The following PACSIN1 variants were observed in gnomAD, a reference collection of about 807,000 sequenced individuals.
PACSIN1 encodes the protein protein kinase C and casein kinase substrate in neurons protein 1.
In PACSIN1, 15 loss-of-function variants were observed where a neutral mutation model predicts 59.5. The ratio of observed to expected loss-of-function variants is 0.25; its 90% CI spans 0.17 to 0.39. The LOEUF is 0.39. Ranked by LOEUF, PACSIN1 falls within the 10% of genes least tolerant of loss-of-function variation. The probability of loss-of-function intolerance (pLI) is 1.00; values close to 1 mark genes in which losing one functional copy is unlikely to be tolerated. For synonymous variants in PACSIN1, 210 were observed against 220.6 expected (o/e 0.95, Z 0.42); for missense variants, 420 against 580.2 (o/e 0.72, Z 2.84).
chr6:34,530,317 G>T lies in PACSIN1; in HGVS notation c.863G>T (p.Arg288Leu). The T allele has an allele frequency of 6.2e-7, 1 of 1,614,128 alleles. No homozygotes were observed. The change falls in exon 7 of 10, where the codon CGC becomes CTC. Residue 288 changes from arginine (R) to leucine (L), a missense_variant. Arg to Leu is a moderately radical substitution (Grantham distance 102, BLOSUM62 -2). Transcript: ENST00000244458. This position sits in a 1 kb window ranked among gnomAD's most constrained non-coding sequence, Gnocchi z 4.4. ...GCCCAGGAAGACCTCAGATGGTTCC[G>T]CAGCACCAGTGGCCCCGGCATGCCC... ...ADAQEDLRWF[R>L]STSGPGMPMN... is the part of the protein sequence containing the mutation.
At position 34,516,080 on chromosome 6, in the gene PACSIN1, T is replaced by C. The variant is rs1293801020; in HGVS notation, c.-63-10163T>C. Reference sequence around the variant, plus strand: ...TAGCCTGCAAGGGGCAGAAGGTTGATGTGTGCAACTATGGGCGTGCTTAAG... The same window carrying C: ...TAGCCTGCAAGGGGCAGAAGGTTGACGTGTGCAACTATGGGCGTGCTTAAG... On this transcript the variant is annotated intron_variant, in intron 1 of 9. Transcript: ENST00000244458. This position sits in a 1 kb window ranked among gnomAD's most constrained non-coding sequence, Gnocchi z 5.4. Among the ~76,000 whole-genome samples, 1 of 152,112 alleles carries C rather than the reference T, an allele frequency of 6.6e-6. No individual in the cohort carries two copies. Among genetic ancestry groups the C allele is most frequent in the African/African-American group, 2.4e-5 (1 of 41,416 alleles).
chr6:34,527,589 A>G lies in PACSIN1; in HGVS notation c.220+101A>G. On this transcript the variant is annotated intron_variant, in intron 3 of 9. Transcript: ENST00000244458. ...GCTACTTGCATGCACCATGCCCTCCATCTACCAGACACAGGACATTTTCAG... is the reference window on the plus strand; with the variant it reads ...GCTACTTGCATGCACCATGCCCTCCGTCTACCAGACACAGGACATTTTCAG... The G allele has an allele frequency of 3.7e-6, 4 of 1,082,632 alleles. No individual in the cohort carries two copies. The South Asian group carries it at 7.4e-5, about 20-fold the overall frequency. 67.1% of individuals were successfully genotyped at this position (1,082,632 alleles called of 1,614,324 possible). A position where few individuals can be genotyped will look rare whatever the true frequency, so the allele number is the denominator to read the frequency against.
chr6:34,528,584 A>AGG, intron 3 of PACSIN1, 58 bp from the exon 4 acceptor site: 1 of 1,235,612 alleles, frequency 8.1e-7, no homozygotes, highest in Non-Finnish European at 1.2e-6. Flanking sequence ...GGGAGATGTG[A>AGG]GGGGGGGCCT....
chr6:34,529,490 A>C lies in PACSIN1; in HGVS notation c.550A>C (p.Thr184Pro). Reference protein sequence around the residue: ...EMNSKTEQSVTPEQQKKLQDK... With the variant: ...EMNSKTEQSVPPEQQKKLQDK... The stretch of plus-strand genomic sequence containing the variant: ...GAACAGCAAGACGGAGCAATCGGTC[A>C]CACCTGAGCAGCAAAAGAAGCTGCA... The change falls in exon 5 of 10, where the codon ACA becomes CCA. Residue 184 changes from threonine to proline, a missense_variant. Coordinates refer to ENST00000244458, the MANE Select transcript of PACSIN1 (RefSeq NM_020804.5). This position sits in a 1 kb window ranked among gnomAD's most constrained non-coding sequence, Gnocchi z 6.3. 1 of 1,614,204 alleles carries C rather than the reference A, an allele frequency of 6.2e-7. No homozygotes were observed. The highest frequency in any genetic ancestry group is 8.5e-7 in the Non-Finnish European group (1 of 1,180,044).
Position 34,529,293 on chromosome 6 carries a change from G to T in PACSIN1, c.457-104G>T. The T allele has an allele frequency of 8.0e-7, 1 of 1,253,910 alleles. No individual in the cohort carries two copies. The highest frequency in any genetic ancestry group is 2.1e-5 in the Admixed American group (1 of 47,968). 77.7% of individuals were successfully genotyped at this position (1,253,910 alleles called of 1,614,324 possible). ...ATCCCTTCTGGCTCTTAAGAGTGTG[G>T]GCTCACAGGTCCCAGGGAGTGGGCA... On this transcript the variant is annotated intron_variant, in intron 4 of 9. Coordinates refer to ENST00000244458, the MANE Select transcript of PACSIN1 (RefSeq NM_020804.5). The surrounding 1 kb of genome is among the most constrained non-coding windows in gnomAD (Gnocchi z 6.3).
At chr6:34,528,906 GTGGGGT>G in intron 4 of PACSIN1, 29 bp downstream of exon 4, 1 of 1,340,284 alleles carries the variant, frequency 7.5e-7, no homozygotes, top group Non-Finnish European at 1.1e-6. Flanking sequence ...CACGGGCGGG[GTGGGGT>G]GGGCCCGTCT....
rs188954008 is a variant in PACSIN1, at chr6:34,506,544, A to G, written c.-63-19699A>G. Among the ~76,000 whole-genome samples the G allele has an allele frequency of 1.5e-4, 23 of 152,340 alleles. No individual in the cohort carries two copies. The East Asian group carries it at 4.2e-3, about 28-fold the overall frequency. On this transcript the variant is annotated intron_variant, in intron 1 of 9. Transcript: ENST00000244458. ...ATTATTTTTGTATTATACCCTGGACACTTGGGGTATTATGTTATGAGATGC... is the reference window on the plus strand; with the variant it reads ...ATTATTTTTGTATTATACCCTGGACGCTTGGGGTATTATGTTATGAGATGC...
intron 1 of PACSIN1, among the ~76,000 whole-genome samples, chr6:34,501,968 G>T (rs1322983785): frequency 2.0e-5 from 3 of 148,084 alleles, no homozygotes; most frequent in African/African-American, 5.0e-5. Context: ...GGAGGCAGAG[G>T]TTGCAGTGAG....
At chr6:34,480,089 G>A (rs966980778) in intron 1 of PACSIN1, among the ~76,000 whole-genome samples, 12 of 152,082 alleles carry the variant, frequency 7.9e-5, no homozygotes, top group Middle Eastern at 3.2e-3. Context: ...GCCTCCCAAA[G>A]TGCTGGGATT....
At chr6:34,492,274 T>G (rs1437706662) in intron 1 of PACSIN1, among the ~76,000 whole-genome samples, 1 of 145,836 alleles carries the variant, frequency 6.9e-6, no homozygotes, top group Admixed American at 7.1e-5. Flanking sequence ...CAATTTCTGC[T>G]CATTGCAACC....
intron 1 of PACSIN1, among the ~76,000 whole-genome samples, chr6:34,487,513 G>A (rs1312128984): frequency 1.3e-5 from 2 of 152,130 alleles, no homozygotes; most frequent in Non-Finnish European, 2.9e-5. Flanking sequence ...CTGAGCTGAA[G>A]GTTTGGATGC....
At chr6:34,487,466 T>TG (rs1766811607) in intron 1 of PACSIN1, among the ~76,000 whole-genome samples, 1 of 152,134 alleles carries the variant, frequency 6.6e-6, no homozygotes, top group Non-Finnish European at 1.5e-5. Context: ...TCTCTACCAC[T>TG]GTGTAGTTGG....
intron 1 of PACSIN1, among the ~76,000 whole-genome samples, chr6:34,524,950 G>C (rs762260921): frequency 3.3e-5 from 5 of 151,582 alleles, no homozygotes; most frequent in African/African-American, 9.7e-5. Flanking sequence ...TGACATTAAG[G>C]GTTCTAGAAG....
rs1051200739 is a variant in PACSIN1 at position 34,533,989 on chromosome 6, T to TG, written c.*1463dup. ...GGAAGAAAAGTCTCTTGGGGACCTC[T>TG]GGGGCAAGGAGCTGAGAAGTCCTGC... On this transcript the variant is annotated 3_prime_UTR_variant, in exon 10 of 10. Transcript: ENST00000244458. 3 of 152,402 alleles carry TG rather than the reference T, an allele frequency of 2.0e-5. No individual in the cohort carries two copies. The highest frequency in any genetic ancestry group is 4.4e-5 in the Non-Finnish European group (3 of 68,200). 9.4% of individuals were successfully genotyped at this position (152,402 alleles called of 1,614,324 possible). A position where few individuals can be genotyped will look rare whatever the true frequency, so the allele number is the denominator to read the frequency against.
chr6:34,529,332 T>C lies in PACSIN1; in HGVS notation c.457-65T>C. On this transcript the variant is annotated intron_variant, in intron 4 of 9. Transcript: ENST00000244458. This position sits in a 1 kb window ranked among gnomAD's most constrained non-coding sequence, Gnocchi z 6.3. ...AGGGAGTGGGCAGGGGAGGAGTTAA[T>C]GGGTGACCATGTTTGCTGCTGGTCA... 1 of 1,584,550 alleles carries C rather than the reference T, an allele frequency of 6.3e-7. No homozygotes were observed. The highest frequency in any genetic ancestry group is 8.6e-7 in the Non-Finnish European group (1 of 1,157,126).
At chr6:34,528,614 T>A (rs1026874458) in intron 3 of PACSIN1, 28 bp from the exon 4 acceptor site, 2 of 1,556,918 alleles carry the variant, frequency 1.3e-6, no homozygotes. Context: ...GGCAATGAGG[T>A]TCTTGTGACC....
Position 34,534,144 on chromosome 6 carries a change from TC to T in PACSIN1, c.*1618del, listed in dbSNP as rs1767652640. 6.5e-6 allele frequency: 1 copy of T among 152,970 alleles called. No homozygotes were observed. Among genetic ancestry groups the T allele is most frequent in the Non-Finnish European group, 1.5e-5 (1 of 68,654 alleles). The allele number at this position is 152,970 out of a possible 1,614,324, so 9.5% of individuals were successfully genotyped here. A position where few individuals can be genotyped will look rare whatever the true frequency, so the allele number is the denominator to read the frequency against. ...GAGAGAGAGCCAGCCCAGCCCTGTT[TC>T]CCCTCAGTCCTCCTTTGCTCCTGCT... On this transcript the variant is annotated 3_prime_UTR_variant, in exon 10 of 10. Transcript: ENST00000244458.
chr6:34,507,417 C>A (rs190474579), intron 1 of PACSIN1, among the ~76,000 whole-genome samples: 74 of 152,246 alleles, frequency 4.9e-4, no homozygotes, highest in African/African-American at 1.5e-3. Context: ...AGTGTGTATA[C>A]TCCATCTTGT....
intron 1 of PACSIN1, 88 bp from the exon 2 acceptor site, chr6:34,526,155 C>T (rs967234811): frequency 2.6e-5 from 16 of 618,028 alleles, no homozygotes; most frequent in Non-Finnish European, 4.5e-5. Context: ...TCCCTGGGTC[C>T]CATCGGTTTG....
Sources: allele counts gnomAD v4.1 joint callset (sites outside exome capture counted in the v4.1 genomes callset), GRCh38; gene constraint gnomAD v4.1.1; non-coding constraint Gnocchi (gnomAD v3.1); transcripts MANE v1.5; gene names NCBI Gene and HGNC (gene_info 2026-07-23, HGNC 2026-07-21).